Variants in ATP8A1 observed in about 807,000 individuals in gnomAD.
ATP8A1 encodes the protein ATPase phospholipid transporting 8A1.
A neutral mutation model predicts 177.7 loss-of-function variants in ATP8A1; 90 were observed. The ratio of observed to expected loss-of-function variants is 0.51; its 90% CI spans 0.43 to 0.60. ATP8A1 has a LOEUF of 0.60. Ranked by LOEUF, ATP8A1 falls within the 20% of genes least tolerant of loss-of-function variation. The probability of loss-of-function intolerance (pLI) is 0.00; values close to 1 mark genes in which losing one functional copy is unlikely to be tolerated. For synonymous variants in ATP8A1, 493 were observed against 485.9 expected, an observed-to-expected ratio of 1.01 and a Z score of -0.19; for missense variants, 1,072 against 1,392.8, an observed-to-expected ratio of 0.77 and a Z score of 3.67.
chr4:42,556,529 CATCT>C lies in ATP8A1; in HGVS notation c.1341-493_1341-490del, dbSNP rs111408345. 5.8e-3 allele frequency among the ~76,000 whole-genome samples: 886 copies of C among 152,178 alleles called. 10 individuals are homozygous for C. The highest frequency in any genetic ancestry group is 0.019 in the African/African-American group (805 of 41,542). ...ATAAACCATTTACAGATTATATCAA[CATCT>C]ATCATTAATATCTGAGCAAATATTT... On this transcript the variant is annotated intron_variant, in intron 15 of 36. Coordinates refer to ENST00000381668, the MANE Select transcript of ATP8A1 (RefSeq NM_006095.2).
intron 19 of ATP8A1, among the ~76,000 whole-genome samples, chr4:42,545,785 C>T (rs1244518867): frequency 6.6e-6 from 1 of 152,122 alleles, no homozygotes; most frequent in South Asian, 2.1e-4. Context: ...ACCAGCCTGG[C>T]CAACATGGTG....
chr4:42,565,911 A>G (rs975832228), intron 15 of ATP8A1, among the ~76,000 whole-genome samples: 1 of 152,240 alleles, frequency 6.6e-6, no homozygotes, highest in African/African-American at 2.4e-5. Flanking sequence ...TATTGATACT[A>G]TCAATCTAGA....
chr4:42,549,564 G>A (rs1169994575), intron 18 of ATP8A1, among the ~76,000 whole-genome samples: 7 of 152,048 alleles, frequency 4.6e-5, no homozygotes, highest in Admixed American at 1.3e-4. Flanking sequence ...TGAGGTGGGA[G>A]AATCAAAGGA....
At chr4:42,541,493 T>G (rs1281611346) in intron 20 of ATP8A1, among the ~76,000 whole-genome samples, 1 of 152,206 alleles carries the variant, frequency 6.6e-6, no homozygotes, top group Non-Finnish European at 1.5e-5. Context: ...ATACTCTTAC[T>G]GTAAGATCTT....
At chr4:42,484,373 T>C (rs1015562075) in intron 25 of ATP8A1, among the ~76,000 whole-genome samples, 1 of 152,242 alleles carries the variant, frequency 6.6e-6, no homozygotes, top group East Asian at 1.9e-4. Context: ...ACTAAAATAA[T>C]TAGACTCCTG....
intron 25 of ATP8A1, among the ~76,000 whole-genome samples, chr4:42,476,611 TAAA>T (rs879784297): frequency 2.2e-5 from 3 of 136,386 alleles, no homozygotes; most frequent in East Asian, 2.0e-4. Flanking sequence ...AGGGTGAGAT[TAAA>T]AAAAAAAAAA....
At chr4:42,520,089 A>G (rs142028544) in intron 22 of ATP8A1, among the ~76,000 whole-genome samples, 60 of 152,352 alleles carry the variant, frequency 3.9e-4, no homozygotes, top group African/African-American at 1.3e-3. Flanking sequence ...TATTAAAAGA[A>G]CAAGAAACAA....
At chr4:42,431,527 T>C (rs1715303736) in intron 33 of ATP8A1, among the ~76,000 whole-genome samples, 1 of 152,214 alleles carries the variant, frequency 6.6e-6, no homozygotes, top group Non-Finnish European at 1.5e-5. Context: ...TTGCTGTGAA[T>C]GGAATCTTTC....
chr4:42,517,074 G>C (rs1231499436), intron 22 of ATP8A1, among the ~76,000 whole-genome samples: 2 of 151,416 alleles, frequency 1.3e-5, no homozygotes, highest in Non-Finnish European at 2.9e-5. Flanking sequence ...GCCAAGGGGG[G>C]GTGGATCACG....
chr4:42,475,720 C>T (rs1453735752), intron 25 of ATP8A1, among the ~76,000 whole-genome samples: 1 of 152,024 alleles, frequency 6.6e-6, no homozygotes, highest in Non-Finnish European at 1.5e-5. Context: ...ATGAGAAGAA[C>T]AATTTCTATC....
At chr4:42,640,866 T>C (rs1739904628) in intron 1 of ATP8A1, among the ~76,000 whole-genome samples, 1 of 152,020 alleles carries the variant, frequency 6.6e-6, no homozygotes, top group Non-Finnish European at 1.5e-5. Flanking sequence ...TTAGAGAATG[T>C]GGATTTGTGG....
At chr4:42,656,446 A>C (rs1390662881) in intron 1 of ATP8A1, among the ~76,000 whole-genome samples, 1 of 151,928 alleles carries the variant, frequency 6.6e-6, no homozygotes, top group Non-Finnish European at 1.5e-5. Context: ...GGGAGCTCAG[A>C]TAGGGGGTTG....
In ATP8A1 at chr4:42,422,874, A is replaced by G. The variant is rs1560307032; in HGVS notation, c.3238T>C (p.Leu1080=). The stretch of plus-strand genomic sequence containing the variant: ...TCCAGCTCCTGAACTTCATCGACCA[A>G]TGTTTTAAAAGCAGTCCTCTTGATA... ...KVIKRTAFKT[L]VDEVQELEAK... Residue 1080 remains leucine (L), a synonymous_variant, in exon 35 of 37, where the codon TTG becomes CTG. Coordinates refer to ENST00000381668, the MANE Select transcript of ATP8A1 (RefSeq NM_006095.2). The G allele has an allele frequency of 6.2e-7, 1 of 1,612,596 alleles. No homozygotes were observed. Among genetic ancestry groups the G allele is most frequent in the South Asian group, 1.1e-5 (1 of 91,086 alleles).
At chr4:42,452,612 T>TA (rs1394075778) in intron 29 of ATP8A1, among the ~76,000 whole-genome samples, 1 of 152,238 alleles carries the variant, frequency 6.6e-6, no homozygotes, top group African/African-American at 2.4e-5. Context: ...ATGACTTTAC[T>TA]AAAGGCTTTC....
chr4:42,472,071 A>G (rs1240395921), intron 25 of ATP8A1: 3 of 719,178 alleles, frequency 4.2e-6, no homozygotes, highest in Non-Finnish European at 7.9e-6. Context: ...GAAAAAGTTC[A>G]GTGGGAAGCA....
intron 22 of ATP8A1, among the ~76,000 whole-genome samples, chr4:42,518,368 C>A (rs1725776584): frequency 6.6e-6 from 1 of 152,138 alleles, no homozygotes; most frequent in Non-Finnish European, 1.5e-5. Flanking sequence ...ATGTACTGAT[C>A]TTTTGAGGAA....
intron 15 of ATP8A1, among the ~76,000 whole-genome samples, chr4:42,565,727 T>C (rs1577601516): frequency 6.6e-6 from 1 of 152,222 alleles, no homozygotes; most frequent in Non-Finnish European, 1.5e-5. Context: ...GTGCATATTA[T>C]TGAAGCAGGT....
At chr4:42,481,514 A>T (rs1215317555) in intron 25 of ATP8A1, among the ~76,000 whole-genome samples, 1 of 152,236 alleles carries the variant, frequency 6.6e-6, no homozygotes, top group African/African-American at 2.4e-5. Context: ...GCATTCTGTG[A>T]ATCTCTAGAT....
intron 33 of ATP8A1, among the ~76,000 whole-genome samples, chr4:42,435,031 G>T (rs1490518732): frequency 6.6e-6 from 1 of 152,216 alleles, no homozygotes; most frequent in Non-Finnish European, 1.5e-5. Context: ...ACTTGCTTTG[G>T]ATGATGCATG....
Sources: allele counts gnomAD v4.1 joint callset (sites outside exome capture counted in the v4.1 genomes callset), GRCh38; gene constraint gnomAD v4.1.1; transcripts MANE v1.5; gene names NCBI Gene and HGNC (gene_info 2026-07-23, HGNC 2026-07-21).